Variants in LMOD1 observed in about 807,000 individuals in gnomAD.
LMOD1 encodes leiomodin-1.
A neutral mutation model predicts 36.5 loss-of-function variants in LMOD1; 8 were observed. The ratio of observed to expected loss-of-function variants is 0.22; its 90% CI spans 0.13 to 0.40. LMOD1 has a LOEUF of 0.40. Ranked by LOEUF, LMOD1 falls within the 10% of genes least tolerant of loss-of-function variation. LMOD1 has a pLI of 1.00. For synonymous variants in LMOD1, 284 were observed against 288.7 expected (o/e 0.98, Z 0.17); for missense variants, 630 against 751.1 (o/e 0.84, Z 1.88).
At chr1:201,912,449 A>G (rs1399622378) in intron 1 of LMOD1, among the ~76,000 whole-genome samples, 1 of 150,092 alleles carries the variant, frequency 6.7e-6, no homozygotes, top group African/African-American at 2.5e-5. Flanking sequence ...TTCTTTGTCC[A>G]TCTCCCCTGC....
In LMOD1 at chr1:201,943,756, T is replaced by C. The variant is rs182133411; in HGVS notation, c.261+2324A>G. Among the ~76,000 whole-genome samples, 19 of 152,344 alleles carry C rather than the reference T, an allele frequency of 1.2e-4. 1 individual carries two copies. The East Asian group carries it at 2.7e-3, about 22-fold the overall frequency. ...GTTTATGACACGCCAAGCTCTGTGC[T>C]AAGTGCTCTACCGCAGCACCGCTTT... On this transcript the variant is annotated intron_variant, in intron 1 of 2. Transcript: ENST00000367288.
rs1682139174 is a variant in LMOD1 at position 201,942,686 on chromosome 1, TA to T, written c.261+3393del. On this transcript the variant is annotated intron_variant, in intron 1 of 2. Coordinates refer to ENST00000367288, the MANE Select transcript of LMOD1 (RefSeq NM_012134.3). Reference sequence around the variant, plus strand: ...GGTTTCTTTCTTTCTTTTTTTTTTTTAAATTTTATTATGAAAATTTTCGAAC... The same window carrying T: ...GGTTTCTTTCTTTCTTTTTTTTTTTTAATTTTATTATGAAAATTTTCGAAC... Among the ~76,000 whole-genome samples the T allele has an allele frequency of 7.9e-5, 12 of 151,322 alleles. No homozygotes were observed. In the South Asian group the frequency reaches 2.5e-3, roughly 31 times the overall value.
At chr1:201,931,018 C>G (rs1469340395) in intron 1 of LMOD1, among the ~76,000 whole-genome samples, 1 of 152,098 alleles carries the variant, frequency 6.6e-6, no homozygotes, top group Non-Finnish European at 1.5e-5. Context: ...CAGAGACGTC[C>G]AGGGTGATAG....
intron 1 of LMOD1, among the ~76,000 whole-genome samples, chr1:201,921,487 CAAAAAAAAAA>C (rs57488982): frequency 1.7e-5 from 1 of 59,782 alleles, no homozygotes; most frequent in Non-Finnish European, 3.0e-5. Flanking sequence ...GACTCCATCT[CAAAAAAAAAA>C]AAAAAAAAAA....
At chr1:201,914,749 C>T (rs1399263083) in intron 1 of LMOD1, among the ~76,000 whole-genome samples, 1 of 151,826 alleles carries the variant, frequency 6.6e-6, no homozygotes. Flanking sequence ...CCAGGCTCAC[C>T]CCTCCCCACG....
chr1:201,926,984 A>G (rs1285217120), intron 1 of LMOD1, among the ~76,000 whole-genome samples: 1 of 152,194 alleles, frequency 6.6e-6, no homozygotes, highest in East Asian at 1.9e-4. Flanking sequence ...AAAATTGACA[A>G]TGGCTGATAT....
At chr1:201,933,555 T>A (rs930988801) in intron 1 of LMOD1, among the ~76,000 whole-genome samples, 1 of 142,734 alleles carries the variant, frequency 7.0e-6, no homozygotes, top group African/African-American at 2.5e-5. Flanking sequence ...CATATATATA[T>A]AATACATATA....
intron 1 of LMOD1, among the ~76,000 whole-genome samples, chr1:201,925,670 T>TG (rs1681816471): frequency 1.3e-5 from 2 of 151,348 alleles, no homozygotes; most frequent in East Asian, 1.9e-4. Context: ...GAGGCTTGTT[T>TG]TTTTTTTTTT....
In LMOD1 at chr1:201,915,507, A is replaced by G. The variant is rs145747625; in HGVS notation, c.262-14756T>C. 3.7e-3 allele frequency among the ~76,000 whole-genome samples: 559 copies of G among 152,034 alleles called. 7 individuals are homozygous for G. The highest frequency in any genetic ancestry group is 4.0e-3 in the Non-Finnish European group (271 of 67,978). On this transcript the variant is annotated intron_variant, in intron 1 of 2. Coordinates refer to ENST00000367288, the MANE Select transcript of LMOD1 (RefSeq NM_012134.3). ...CTTGCCGACCCCTGCACTATTCCCT[A>G]TCTGGGCAAGTGGCTCCTCTAAACA...
intron 1 of LMOD1, among the ~76,000 whole-genome samples, chr1:201,927,446 A>G (rs1217797464): frequency 2.0e-5 from 3 of 152,084 alleles, no homozygotes; most frequent in Non-Finnish European, 4.4e-5. Flanking sequence ...TGTGCCTGTA[A>G]TCCCAGCTAC....
intron 1 of LMOD1, among the ~76,000 whole-genome samples, chr1:201,931,441 A>G (rs1346969076): frequency 1.3e-5 from 2 of 150,476 alleles, no homozygotes; most frequent in Non-Finnish European, 3.0e-5. Context: ...AGGCTGAGGC[A>G]TGAGAATCGC....
Position 201,924,335 on chromosome 1 carries a change from A to C in LMOD1, c.261+21745T>G, listed in dbSNP as rs1239019181. Reference sequence around the variant, plus strand: ...CAAGACTCTGTCTCAAAAAAAAAAAAAAAGAAAGCAAGGGAAGGAGGGAGG... The same window carrying C: ...CAAGACTCTGTCTCAAAAAAAAAAACAAAGAAAGCAAGGGAAGGAGGGAGG... On this transcript the variant is annotated intron_variant, in intron 1 of 2. Transcript: ENST00000367288. Among the ~76,000 whole-genome samples the C allele has an allele frequency of 6.9e-3, 1,009 of 146,820 alleles. 29 individuals are homozygous for C. Among genetic ancestry groups the C allele is most frequent in the African/African-American group, 0.022 (885 of 39,776 alleles).
intron 1 of LMOD1, among the ~76,000 whole-genome samples, chr1:201,935,684 GT>G (rs1260806041): frequency 6.6e-6 from 1 of 151,878 alleles, no homozygotes; most frequent in Non-Finnish European, 1.5e-5. Context: ...AGCCTCCCGA[GT>G]ACCTGGGATT....
intron 1 of LMOD1, among the ~76,000 whole-genome samples, chr1:201,902,873 G>A (rs1287951932): frequency 1.3e-5 from 2 of 152,212 alleles, no homozygotes; most frequent in African/African-American, 4.8e-5. Context: ...CATCAGAGAA[G>A]CAGAGGAAGT....
Position 201,896,848 on chromosome 1 carries a change from T to C in LMOD1, c.*1524A>G. On this transcript the variant is annotated 3_prime_UTR_variant, in exon 3 of 3. Coordinates refer to ENST00000367288, the MANE Select transcript of LMOD1 (RefSeq NM_012134.3). Reference sequence around the variant, plus strand: ...CCCCAGGACTAGACTGCCCTCTGGTTTTGGTCAGACCTAGCACAGCGATCT... The same window carrying C: ...CCCCAGGACTAGACTGCCCTCTGGTCTTGGTCAGACCTAGCACAGCGATCT... 1 of 400,342 alleles carries C rather than the reference T, an allele frequency of 2.5e-6. No homozygotes were observed. Among genetic ancestry groups the C allele is most frequent in the Non-Finnish European group, 5.1e-6 (1 of 197,468 alleles). The allele number at this position is 400,342 out of a possible 1,614,324, so 24.8% of individuals were successfully genotyped here.
At chr1:201,906,116 T>G (rs1381377752) in intron 1 of LMOD1, among the ~76,000 whole-genome samples, 1 of 152,162 alleles carries the variant, frequency 6.6e-6, no homozygotes, top group African/African-American at 2.4e-5. Context: ...AGGAGACTTT[T>G]TCTAGGCCTT....
intron 1 of LMOD1, among the ~76,000 whole-genome samples, chr1:201,913,009 C>T (rs552495368): frequency 9.2e-5 from 14 of 152,148 alleles, no homozygotes; most frequent in African/African-American, 2.9e-4. Context: ...TGAGAGGCAG[C>T]GAGGCAAGGC....
At chr1:201,940,183 C>CTTTTT (rs34390949) in intron 1 of LMOD1, among the ~76,000 whole-genome samples, 20 of 123,400 alleles carry the variant, frequency 1.6e-4, no homozygotes, top group East Asian at 2.5e-4. Context: ...CAGCCAAGCT[C>CTTTTT]TTTTTTTTTT....
intron 1 of LMOD1, among the ~76,000 whole-genome samples, chr1:201,909,016 C>G (rs1681452016): frequency 6.6e-6 from 1 of 152,234 alleles, no homozygotes; most frequent in South Asian, 2.1e-4. Flanking sequence ...CACAGCCTCC[C>G]ACATGCTCAG....
Sources: gnomAD v4.1 joint callset for allele counts (sites outside exome capture counted in the v4.1 genomes callset) on GRCh38, gnomAD v4.1.1 for gene constraint, MANE v1.5 for transcripts, NCBI Gene and HGNC (gene_info 2026-07-23, HGNC 2026-07-21) for gene names.